MCUB: variants seen among roughly 807,000 people sequenced by gnomAD.
MCUB encodes calcium uniporter regulatory subunit MCUb, mitochondrial.
MCUB carries 46 observed loss-of-function variants against 41.4 expected under a neutral mutation model. The ratio of observed to expected loss-of-function variants is 1.11; its 90% CI spans 0.88 to 1.42. The LOEUF (loss-of-function observed/expected upper bound fraction) is 1.42, where lower values mean the gene tolerates loss of function less well. MCUB is among the 40% of genes most tolerant of loss of function. The pLI, the probability that MCUB is intolerant of heterozygous loss-of-function variation, is 0.00. For synonymous variants in MCUB, 148 were observed against 148.2 expected (o/e 1.00, Z 0.01); for missense variants, 403 against 404.9 (o/e 1.00, Z 0.04).
intron 1 of MCUB, among the ~76,000 whole-genome samples, chr4:109,638,378 T>C (rs957310499): frequency 6.7e-6 from 1 of 149,246 alleles, no homozygotes; most frequent in African/African-American, 2.5e-5. Context: ...TTTACTGAAC[T>C]GTAGTCTATT....
At chr4:109,615,830 C>A (rs192368798) in intron 1 of MCUB, among the ~76,000 whole-genome samples, 1 of 152,310 alleles carries the variant, frequency 6.6e-6, no homozygotes, top group East Asian at 1.9e-4. Flanking sequence ...AAGATTGTCT[C>A]TTTTCTTCCA....
chr4:109,680,606 A>G (rs1347867184), intron 4 of MCUB, among the ~76,000 whole-genome samples: 8 of 152,120 alleles, frequency 5.3e-5, no homozygotes, highest in African/African-American at 1.9e-4. Flanking sequence ...CAGATCTCAA[A>G]GCCTAAAAGA....
intron 1 of MCUB, among the ~76,000 whole-genome samples, chr4:109,586,869 C>T (rs1288945722): frequency 2.0e-5 from 3 of 152,136 alleles, no homozygotes; most frequent in Non-Finnish European, 2.9e-5. Flanking sequence ...AGGTGTCAGT[C>T]GGCCCCTACT....
intron 1 of MCUB, among the ~76,000 whole-genome samples, chr4:109,641,267 ATT>A (rs70954174): frequency 0.034 from 4,656 of 136,694 alleles, 97 homozygotes; most frequent in South Asian, 0.079. Flanking sequence ...TACTTTTTGT[ATT>A]TTTTTTTTTT....
At position 109,681,446 on chromosome 4, in the gene MCUB, G is replaced by A. The variant is rs370113868; in HGVS notation, c.452-1136G>A. On this transcript the variant is annotated intron_variant, in intron 4 of 7. Transcript: ENST00000394650. ...GTTCTTTCTGGTAGAGAGTGTTACC[G>A]GGGGTCCTTGCTCCCAGAACTCCCA... 8.4e-5 allele frequency: 38 copies of A among 453,464 alleles called. No homozygotes were observed. In the East Asian group the frequency reaches 1.6e-3, roughly 19 times the overall value. The allele number at this position is 453,464 out of a possible 1,614,324, so 28.1% of individuals were successfully genotyped here. A position where few individuals can be genotyped will look rare whatever the true frequency, so the allele number is the denominator to read the frequency against.
At chr4:109,632,136 T>C (rs898670560) in intron 1 of MCUB, among the ~76,000 whole-genome samples, 10 of 152,212 alleles carry the variant, frequency 6.6e-5, no homozygotes, top group Non-Finnish European at 1.2e-4. Context: ...CCCTCCATTA[T>C]TGAAATTTAT....
intron 1 of MCUB, among the ~76,000 whole-genome samples, chr4:109,635,895 C>T (rs1348357511): frequency 1.4e-5 from 2 of 144,254 alleles, no homozygotes; most frequent in South Asian, 2.1e-4. Context: ...TAAAATGCAG[C>T]TCTAAACTTT....
intron 1 of MCUB, among the ~76,000 whole-genome samples, chr4:109,569,848 AG>A (rs1257233040): frequency 6.6e-6 from 1 of 152,146 alleles, no homozygotes; most frequent in East Asian, 1.9e-4. Context: ...ATCTTGTTCC[AG>A]TGGCTGACCA....
At chr4:109,572,591 CTG>C (rs1726938687) in intron 1 of MCUB, among the ~76,000 whole-genome samples, 1 of 152,072 alleles carries the variant, frequency 6.6e-6, no homozygotes, top group African/African-American at 2.4e-5. Flanking sequence ...AATATCATAA[CTG>C]ACACTAATTC....
chr4:109,623,144 A>G (rs538745520), intron 1 of MCUB, among the ~76,000 whole-genome samples: 1 of 152,322 alleles, frequency 6.6e-6, no homozygotes, highest in South Asian at 2.1e-4. Flanking sequence ...ATGATCCTCA[A>G]CCATCTTAAA....
chr4:109,608,059 G>A (rs1483473914), intron 1 of MCUB, among the ~76,000 whole-genome samples: 1 of 151,976 alleles, frequency 6.6e-6, no homozygotes, highest in Non-Finnish European at 1.5e-5. Context: ...AGATATTGTA[G>A]GTGTGCTTCA....
chr4:109,599,959 C>T (rs960805923), intron 1 of MCUB, among the ~76,000 whole-genome samples: 7 of 152,270 alleles, frequency 4.6e-5, no homozygotes, highest in Non-Finnish European at 1.0e-4. Flanking sequence ...CATGAGCCAC[C>T]GCACCCCATG....
chr4:109,609,005 C>A (rs1404711120), intron 1 of MCUB, among the ~76,000 whole-genome samples: 1 of 152,142 alleles, frequency 6.6e-6, no homozygotes, highest in African/African-American at 2.4e-5. Context: ...CTCCAGAATT[C>A]TCTGGATTAC....
At position 109,673,694 on chromosome 4, in the gene MCUB, T is replaced by C. The variant is rs1729509185; in HGVS notation, c.452-8888T>C. ...TAAAATATTCCTAATACATTGCAAA[T>C]GTGGATTTGAAAATTTGGGGTATGA... is the stretch of plus-strand genomic sequence containing the variant. On this transcript the variant is annotated intron_variant, in intron 4 of 7. Coordinates refer to ENST00000394650, the MANE Select transcript of MCUB (RefSeq NM_017918.5). 4 of 489,252 alleles carry C rather than the reference T, an allele frequency of 8.2e-6. No homozygotes were observed. In the South Asian group the frequency reaches 1.5e-4, roughly 19 times the overall value. 30.3% of individuals were successfully genotyped at this position (489,252 alleles called of 1,614,324 possible). A position where few individuals can be genotyped will look rare whatever the true frequency, so the allele number is the denominator to read the frequency against.
At chr4:109,634,972 G>T (rs72674822) in intron 1 of MCUB, among the ~76,000 whole-genome samples, 41,650 of 151,280 alleles carry the variant, frequency 0.28, 5,948 homozygotes, top group African/African-American at 0.31. Flanking sequence ...CCCCTGATAG[G>T]CCCCAGTGTG....
chr4:109,588,194 A>G (rs957220499), intron 1 of MCUB, among the ~76,000 whole-genome samples: 1 of 152,236 alleles, frequency 6.6e-6, no homozygotes, highest in African/African-American at 2.4e-5. Flanking sequence ...ATTGTGGCTG[A>G]ACTGACAAGA....
intron 1 of MCUB, among the ~76,000 whole-genome samples, chr4:109,564,444 A>T (rs899404254): frequency 6.6e-6 from 1 of 152,146 alleles, no homozygotes; most frequent in African/African-American, 2.4e-5. Flanking sequence ...GGCTGGCTAT[A>T]TGCATTTCAA....
intron 1 of MCUB, among the ~76,000 whole-genome samples, chr4:109,644,811 G>A (rs990071344): frequency 6.6e-6 from 1 of 152,056 alleles, no homozygotes; most frequent in African/African-American, 2.4e-5. Flanking sequence ...TTTCTATAGG[G>A]TAAATTTTGG....
At chr4:109,632,926 A>G (rs577560845) in intron 1 of MCUB, among the ~76,000 whole-genome samples, 1 of 151,916 alleles carries the variant, frequency 6.6e-6, no homozygotes, top group African/African-American at 2.4e-5. Flanking sequence ...GTCATTGCCA[A>G]TTTTTATATC....
Sources: gnomAD v4.1 joint callset for allele counts (sites outside exome capture counted in the v4.1 genomes callset) on GRCh38, gnomAD v4.1.1 for gene constraint, MANE v1.5 for transcripts, NCBI Gene and HGNC (gene_info 2026-07-23, HGNC 2026-07-21) for gene names.